FDFT1: variants seen among roughly 807,000 people sequenced by gnomAD.
FDFT1 encodes farnesyl-diphosphate farnesyltransferase 1, also known as squalene synthase.
Under a neutral mutation model 46.8 loss-of-function variants are expected in FDFT1, and 68 were observed. The observed-to-expected ratio is 1.45, with a 90% CI of 1.19 to 1.78. The LOEUF (loss-of-function observed/expected upper bound fraction) is 1.78, where lower values mean the gene tolerates loss of function less well. Among genes scored for constraint, FDFT1 ranks in the 40% most tolerant of loss-of-function variants. The pLI, the probability that FDFT1 is intolerant of heterozygous loss-of-function variation, is 0.00. For missense variants in FDFT1, 928 were observed against 524.4 expected, an observed-to-expected ratio of 1.77 and a Z score of -7.52; for synonymous variants, 351 against 185.1, an observed-to-expected ratio of 1.90 and a Z score of -7.28.
At chr8:11,835,134 A>G (rs1332377934) in intron 7 of FDFT1, among the ~76,000 whole-genome samples, 1 of 152,178 alleles carries the variant, frequency 6.6e-6, no homozygotes, top group Admixed American at 6.5e-5. Flanking sequence ...CAAACCCCTC[A>G]AGTATTTGGC....
chr8:11,799,055 C>T (rs748441135), upstream of FDFT1, among the ~76,000 whole-genome samples: 5 of 152,124 alleles, frequency 3.3e-5, no homozygotes, highest in East Asian at 1.9e-4. Flanking sequence ...TTTATGATGG[C>T]GGACCTGACA....
intron 4 of FDFT1, among the ~76,000 whole-genome samples, chr8:11,823,277 CT>C (rs1464581911): frequency 1.3e-5 from 2 of 152,054 alleles, no homozygotes; most frequent in Non-Finnish European, 2.9e-5. Flanking sequence ...TTTTCTTCTA[CT>C]TTGGGGGAAG....
At chr8:11,809,386 G>C (rs1807385479) in intron 2 of FDFT1, 1 of 1,166,720 alleles carries the variant, frequency 8.6e-7, no homozygotes. Flanking sequence ...TTGGTCTTCT[G>C]GTCTCCATAG....
At chr8:11,835,198 C>A (rs897001018) in intron 7 of FDFT1, among the ~76,000 whole-genome samples, 1 of 152,192 alleles carries the variant, frequency 6.6e-6, no homozygotes, top group Non-Finnish European at 1.5e-5. Context: ...CTGTCCTTGA[C>A]AAGCAGATGT....
chr8:11,826,727 A>G (rs1205462283), intron 5 of FDFT1, among the ~76,000 whole-genome samples: 4 of 152,188 alleles, frequency 2.6e-5, no homozygotes, highest in African/African-American at 9.7e-5. Context: ...AGGCAGGAGA[A>G]TCGCTTGAAC....
At chr8:11,830,866 A>G (rs190205172) in intron 6 of FDFT1, among the ~76,000 whole-genome samples, 20 of 152,336 alleles carry the variant, frequency 1.3e-4, no homozygotes, top group Admixed American at 1.1e-3. Flanking sequence ...CTAGGAACTT[A>G]CACTTTTTAG....
At chr8:11,799,192 T>A (rs565886548), upstream of FDFT1, among the ~76,000 whole-genome samples, 1 of 152,282 alleles carries the variant, frequency 6.6e-6, no homozygotes. Flanking sequence ...GCGCCTTGAG[T>A]GTACAGTTTC....
At chr8:11,808,500 G>T (rs1035366053) in intron 1 of FDFT1, 1 of 1,326,416 alleles carries the variant, frequency 7.5e-7, no homozygotes, top group Non-Finnish European at 9.6e-7. Flanking sequence ...GAAAAACTCC[G>T]CGGGGTCCGC....
In FDFT1 at chr8:11,826,604, A is replaced by G. The variant is rs183352012; in HGVS notation, c.702+389A>G. Among the ~76,000 whole-genome samples the G allele has an allele frequency of 3.6e-3, 544 of 152,344 alleles. 2 individuals carry two copies. Among genetic ancestry groups the G allele is most frequent in the Non-Finnish European group, 6.3e-3 (428 of 68,036 alleles). ...CAAGGTGGGCGGATCACCTGAGGCC[A>G]GGAGTTCGAGACCAGCCTGGCCAAC... On this transcript the variant is annotated intron_variant, in intron 5 of 7. Coordinates refer to ENST00000220584, the MANE Select transcript of FDFT1 (RefSeq NM_004462.5).
chr8:11,801,009 A>G (rs540730898), upstream of FDFT1, among the ~76,000 whole-genome samples: 4 of 152,252 alleles, frequency 2.6e-5, no homozygotes, highest in East Asian at 7.7e-4. Flanking sequence ...AATATGGTAA[A>G]TATAGGCAAG....
rs1042856328 is a variant in FDFT1 at position 11,827,097 on chromosome 8, A to T, written c.702+882A>T. Among the ~76,000 whole-genome samples, 12 of 152,344 alleles carry T rather than the reference A, an allele frequency of 7.9e-5. No homozygotes were observed. The South Asian group carries it at 1.7e-3, about 21-fold the overall frequency. Reference sequence around the variant, plus strand: ...GTTCAGAAGGAAAGTAGAAAATTTTATGACTGTTCCCTGAATTTATTCCAG... The same window carrying T: ...GTTCAGAAGGAAAGTAGAAAATTTTTTGACTGTTCCCTGAATTTATTCCAG... On this transcript the variant is annotated intron_variant, in intron 5 of 7. Transcript: ENST00000220584.
chr8:11,811,952 A>T (rs958407878), intron 3 of FDFT1, among the ~76,000 whole-genome samples: 3 of 152,188 alleles, frequency 2.0e-5, no homozygotes, highest in Non-Finnish European at 4.4e-5. Flanking sequence ...GTATGTGCTG[A>T]TATAGCTCAG....
chr8:11,838,228 A>G (rs932281441), intron 7 of FDFT1, among the ~76,000 whole-genome samples, 160 bp from the exon 8 acceptor site: 9 of 152,158 alleles, frequency 5.9e-5, no homozygotes, highest in African/African-American at 2.2e-4. Flanking sequence ...CCACCTTATC[A>G]TTGGGATGGC....
At position 11,802,899 on chromosome 8, in the gene FDFT1, G is replaced by T; in HGVS notation, c.67G>T (p.Gly23Cys). The change falls in exon 1 of 8, where the codon GGC becomes TGC. Residue 23 changes from glycine to cysteine, a missense_variant. Physicochemically the swap from Gly to Cys is radical, Grantham distance 159 (BLOSUM62 -3). Coordinates refer to ENST00000220584, the MANE Select transcript of FDFT1 (RefSeq NM_004462.5). ...CAACCTGGTGCGCTTCCGGATCGGG[G>T]GCAAGCGGAAGGTGATGCCCAAGAT... ...FYNLVRFRIG[G>C]KRKVMPKMDQ... 6.2e-7 allele frequency: 1 copy of T among 1,611,516 alleles called. No individual in the cohort carries two copies. The highest frequency in any genetic ancestry group is 8.5e-7 in the Non-Finnish European group (1 of 1,178,822).
intron 3 of FDFT1, among the ~76,000 whole-genome samples, chr8:11,814,730 T>A (rs1585907540): frequency 6.6e-6 from 1 of 152,248 alleles, no homozygotes; most frequent in Non-Finnish European, 1.5e-5. Context: ...CTGAGTTGTT[T>A]AATGAATTTA....
chr8:11,823,326 C>G (rs138097404), intron 4 of FDFT1, among the ~76,000 whole-genome samples: 46 of 152,156 alleles, frequency 3.0e-4, no homozygotes, highest in African/African-American at 1.0e-3. Context: ...AGTATTTCTA[C>G]CAAAAGAACT....
intron 7 of FDFT1, among the ~76,000 whole-genome samples, chr8:11,836,790 C>G (rs62495674): frequency 0.022 from 3,372 of 152,330 alleles, 62 homozygotes; most frequent in Admixed American, 0.033. Context: ...AATCCCAGCC[C>G]TTTGGGAGGC....
At chr8:11,799,491 G>T (rs957657256), upstream of FDFT1, among the ~76,000 whole-genome samples, 4 of 152,176 alleles carry the variant, frequency 2.6e-5, no homozygotes, top group Admixed American at 2.0e-4. Flanking sequence ...TTATAATTGG[G>T]TATCTTATTG....
At chr8:11,828,397 C>T (rs886544874) in intron 5 of FDFT1, among the ~76,000 whole-genome samples, 1 of 152,216 alleles carries the variant, frequency 6.6e-6, no homozygotes, top group South Asian at 2.1e-4. Flanking sequence ...TGAGAAACCA[C>T]TCTTGTCTTA....
Sources: gnomAD v4.1 joint callset for allele counts (sites outside exome capture counted in the v4.1 genomes callset) on GRCh38, gnomAD v4.1.1 for gene constraint, MANE v1.5 for transcripts, NCBI Gene and HGNC (gene_info 2026-07-23, HGNC 2026-07-21) for gene names.